PLEKHM3: variants seen among roughly 807,000 people sequenced by gnomAD.
PLEKHM3 encodes pleckstrin homology domain containing M3.
PLEKHM3 carries 45 observed loss-of-function variants against 81.8 expected under a neutral mutation model. The observed-to-expected ratio is 0.55, with a 90% CI of 0.43 to 0.71. PLEKHM3 has a LOEUF of 0.71. PLEKHM3 is among the 30% of genes least tolerant of loss of function. PLEKHM3 has a pLI of 0.00. For synonymous variants in PLEKHM3, 352 were observed against 356.4 expected (o/e 0.99, Z 0.14); for missense variants, 788 against 924.3 (o/e 0.85, Z 1.91).
chr2:208,002,790 C>T (rs1195428515), intron 1 of PLEKHM3, among the ~76,000 whole-genome samples: 1 of 152,054 alleles, frequency 6.6e-6, no homozygotes, highest in East Asian at 1.9e-4. Context: ...ATGATGCTGT[C>T]CAGTACAGTA....
intron 6 of PLEKHM3, among the ~76,000 whole-genome samples, chr2:207,890,892 C>A (rs1688041440): frequency 6.6e-6 from 1 of 152,202 alleles, no homozygotes; most frequent in Non-Finnish European, 1.5e-5. Context: ...ATGCCAGCAT[C>A]AGTAATTCTT....
intron 2 of PLEKHM3, among the ~76,000 whole-genome samples, chr2:207,995,994 AG>A (rs1458457772): frequency 6.6e-6 from 1 of 152,232 alleles, no homozygotes; most frequent in East Asian, 1.9e-4. Flanking sequence ...GACAGACTAA[AG>A]GGCAAACCAC....
chr2:207,952,067 C>CT (rs1184318872), intron 3 of PLEKHM3, among the ~76,000 whole-genome samples: 1 of 152,092 alleles, frequency 6.6e-6, no homozygotes, highest in Non-Finnish European at 1.5e-5. Flanking sequence ...TAAATCCAGT[C>CT]TTTTGCATTT....
chr2:207,905,327 G>T (rs771894379), intron 6 of PLEKHM3, among the ~76,000 whole-genome samples: 1 of 152,124 alleles, frequency 6.6e-6, no homozygotes, highest in Non-Finnish European at 1.5e-5. Context: ...ACTCTAAAAC[G>T]CCTGAAACTG....
intron 6 of PLEKHM3, among the ~76,000 whole-genome samples, chr2:207,870,851 T>C (rs1378836161): frequency 6.6e-6 from 1 of 152,244 alleles, no homozygotes; most frequent in African/African-American, 2.4e-5. Flanking sequence ...CTGATGCCTG[T>C]AATCCCAGCA....
chr2:208,011,451 C>A (rs1262537808), intron 1 of PLEKHM3, among the ~76,000 whole-genome samples: 1 of 152,066 alleles, frequency 6.6e-6, no homozygotes, highest in Admixed American at 6.6e-5. Flanking sequence ...CAATTAATGG[C>A]ATTTACAGCA....
chr2:207,893,761 G>A (rs1028725750), intron 6 of PLEKHM3, among the ~76,000 whole-genome samples: 5 of 152,056 alleles, frequency 3.3e-5, no homozygotes, highest in African/African-American at 1.2e-4. Context: ...CACTGACACA[G>A]GTCAGTCATA....
chr2:208,021,448 A>C (rs1354976874), intron 1 of PLEKHM3, among the ~76,000 whole-genome samples: 1 of 152,176 alleles, frequency 6.6e-6, no homozygotes, highest in Non-Finnish European at 1.5e-5. Flanking sequence ...CTTTATTTTC[A>C]ATCTTTTCAA....
chr2:207,839,253 C>T (rs1365763097), intron 7 of PLEKHM3, among the ~76,000 whole-genome samples: 1 of 151,896 alleles, frequency 6.6e-6, no homozygotes, highest in Non-Finnish European at 1.5e-5. Context: ...AGCATGGGTA[C>T]ATTAGAAAAT....
chr2:207,824,754 C>T lies in PLEKHM3; in HGVS notation c.*3565G>A, dbSNP rs1407308329. 6.6e-6 allele frequency: 1 copy of T among 152,282 alleles called. No homozygotes were observed. The highest frequency in any genetic ancestry group is 1.5e-5 in the Non-Finnish European group (1 of 68,096). 9.4% of individuals were successfully genotyped at this position (152,282 alleles called of 1,614,324 possible). ...GGCTCCGTCAGAGGACACACTCTAG[C>T]TGAGCAAAGGCTGCATTCGGCAACT... On this transcript the variant is annotated 3_prime_UTR_variant, in exon 8 of 8. Coordinates refer to ENST00000427836, the MANE Select transcript of PLEKHM3 (RefSeq NM_001080475.3).
At chr2:207,914,769 T>C (rs1055995050) in intron 5 of PLEKHM3, among the ~76,000 whole-genome samples, 4 of 152,116 alleles carry the variant, frequency 2.6e-5, no homozygotes, top group Non-Finnish European at 4.4e-5. Context: ...ACAAACTAAC[T>C]GAAGGTTATC....
chr2:207,854,534 C>T (rs1431153614), intron 7 of PLEKHM3, among the ~76,000 whole-genome samples: 1 of 152,096 alleles, frequency 6.6e-6, no homozygotes. Context: ...GAATCAGCAA[C>T]TCTGTATTTC....
At chr2:207,917,714 G>A (rs1689041317) in intron 5 of PLEKHM3, among the ~76,000 whole-genome samples, 1 of 152,060 alleles carries the variant, frequency 6.6e-6, no homozygotes, top group Non-Finnish European at 1.5e-5. Context: ...TGGGCATGAT[G>A]GCATGCAGCT....
intron 2 of PLEKHM3, among the ~76,000 whole-genome samples, chr2:207,984,831 G>C (rs1424167969): frequency 6.6e-6 from 1 of 151,936 alleles, no homozygotes; most frequent in East Asian, 1.9e-4. Flanking sequence ...CATTTATCCT[G>C]TAGAATTTCC....
At chr2:207,926,638 C>T (rs1054139009) in intron 5 of PLEKHM3, among the ~76,000 whole-genome samples, 1 of 152,330 alleles carries the variant, frequency 6.6e-6, no homozygotes, top group South Asian at 2.1e-4. Context: ...TTCAGCAGGA[C>T]CGCCATCTGG....
chr2:208,004,428 A>G (rs79075017), intron 1 of PLEKHM3, among the ~76,000 whole-genome samples: 1,641 of 152,238 alleles, frequency 0.011, 30 homozygotes, highest in African/African-American at 0.037. Context: ...AAAAAAAAAA[A>G]AAAATGTATA....
chr2:208,018,445 C>T (rs113520065), intron 1 of PLEKHM3, among the ~76,000 whole-genome samples: 87 of 151,698 alleles, frequency 5.7e-4, no homozygotes, highest in Admixed American at 3.3e-3. Flanking sequence ...TCTGCATATG[C>T]GACAGAGAAC....
At chr2:207,984,396 C>CTTT (rs996009765) in intron 2 of PLEKHM3, among the ~76,000 whole-genome samples, 1 of 147,204 alleles carries the variant, frequency 6.8e-6, no homozygotes, top group Admixed American at 6.8e-5. Context: ...TCAAATATTT[C>CTTT]TTTTTTTTTT....
intron 2 of PLEKHM3, among the ~76,000 whole-genome samples, chr2:207,989,452 G>A (rs1691827685): frequency 6.6e-6 from 1 of 152,176 alleles, no homozygotes; most frequent in African/African-American, 2.4e-5. Flanking sequence ...TCCAGATGGT[G>A]GGCCTTCACT....
Sources: allele counts gnomAD v4.1 joint callset (sites outside exome capture counted in the v4.1 genomes callset), GRCh38; gene constraint gnomAD v4.1.1; transcripts MANE v1.5; gene names NCBI Gene and HGNC (gene_info 2026-07-23, HGNC 2026-07-21).